LAMA2: variants seen among roughly 807,000 people sequenced by gnomAD.
LAMA2 encodes the protein laminin subunit alpha 2.
Under a neutral mutation model 364.8 loss-of-function variants are expected in LAMA2, and 269 were observed. The ratio of observed to expected loss-of-function variants is 0.74; its 90% CI spans 0.67 to 0.82. LAMA2 has a LOEUF of 0.82. Ranked by LOEUF, LAMA2 falls within the 40% of genes least tolerant of loss-of-function variation. The pLI, the probability that LAMA2 is intolerant of heterozygous loss-of-function variation, is 0.00. For missense variants in LAMA2, 3,807 were observed against 3,873.2 expected (o/e 0.98, Z 0.45); for synonymous variants, 1,379 against 1,370.6 (o/e 1.01, Z -0.14).
At chr6:129,236,071 G>A (rs185728557) in intron 12 of LAMA2, among the ~76,000 whole-genome samples, 7 of 152,260 alleles carry the variant, frequency 4.6e-5, no homozygotes, top group African/African-American at 1.4e-4. Context: ...TTAAGTCAGG[G>A]AATTTTAGAA....
At chr6:129,177,193 A>G (rs199941935) in intron 9 of LAMA2, among the ~76,000 whole-genome samples, 1 of 152,204 alleles carries the variant, frequency 6.6e-6, no homozygotes, top group East Asian at 1.9e-4. Flanking sequence ...ATCAATTCCA[A>G]TGAACACCTT....
At chr6:128,987,362 C>CA (rs1457399676) in intron 1 of LAMA2, among the ~76,000 whole-genome samples, 204 of 152,068 alleles carry the variant, frequency 1.3e-3, no homozygotes, top group African/African-American at 4.7e-3. Context: ...AGGCTGGTCT[C>CA]AAAGTCCTGA....
intron 22 of LAMA2, among the ~76,000 whole-genome samples, chr6:129,303,931 T>C: frequency 6.6e-6 from 1 of 152,180 alleles, no homozygotes; most frequent in Non-Finnish European, 1.5e-5. Flanking sequence ...GATTCAGAAG[T>C]ATTCCCTCCT....
At chr6:129,073,052 T>C (rs1773422002) in intron 3 of LAMA2, among the ~76,000 whole-genome samples, 1 of 152,140 alleles carries the variant, frequency 6.6e-6, no homozygotes, top group African/African-American at 2.4e-5. Context: ...CTGCTAGTGA[T>C]AAATCTCTCA....
chr6:129,445,580 T>C (rs1826311994), intron 44 of LAMA2, 87 bp from the exon 45 acceptor site: 9 of 1,102,806 alleles, frequency 8.2e-6, no homozygotes, highest in Non-Finnish European at 1.2e-5. Flanking sequence ...TAAGATGAAA[T>C]TGTTTGGTTA....
At chr6:129,195,203 G>C (rs746871144) in intron 12 of LAMA2, among the ~76,000 whole-genome samples, 2 of 152,078 alleles carry the variant, frequency 1.3e-5, no homozygotes, top group African/African-American at 2.4e-5. Context: ...TGGTTATAAG[G>C]CTTCTTCTAA....
chr6:129,049,847 T>A, intron 1 of LAMA2, 71 bp from the exon 2 acceptor site: 1 of 1,368,096 alleles, frequency 7.3e-7, no homozygotes, highest in Non-Finnish European at 1.0e-6. Flanking sequence ...TTATCTCAAT[T>A]GCTTTTAAAA....
chr6:129,229,460 A>T (rs1784537993), intron 12 of LAMA2, among the ~76,000 whole-genome samples: 1 of 152,106 alleles, frequency 6.6e-6, no homozygotes, highest in African/African-American at 2.4e-5. Flanking sequence ...GAAGGGGAAA[A>T]TATCGTAGGT....
At chr6:129,341,837 T>C (rs539395617) in intron 29 of LAMA2, among the ~76,000 whole-genome samples, 2 of 152,360 alleles carry the variant, frequency 1.3e-5, no homozygotes, top group East Asian at 1.9e-4. Context: ...TAGTTTTAGA[T>C]TGACTCCTCT....
chr6:129,036,762 A>T (rs930676668), intron 1 of LAMA2, among the ~76,000 whole-genome samples: 9 of 152,220 alleles, frequency 5.9e-5, no homozygotes, highest in Non-Finnish European at 2.9e-5. Context: ...TCCTATAAAC[A>T]GGAATAGAAT....
rs868541675 is a variant in LAMA2 at position 129,204,056 on chromosome 6, A to G, written c.1782+11203A>G. The stretch of plus-strand genomic sequence containing the variant: ...CACTTTGTCACCTGTCTGACATAGT[A>G]TCTGGTGGTAGTAAGGATAAGACAT... On this transcript the variant is annotated intron_variant, in intron 12 of 64. Coordinates refer to ENST00000421865, the MANE Select transcript of LAMA2 (RefSeq NM_000426.4). 1.2e-4 allele frequency among the ~76,000 whole-genome samples: 19 copies of G among 152,240 alleles called. 1 individual carries two copies. The highest frequency in any genetic ancestry group is 1.5e-4 in the Non-Finnish European group (10 of 68,040).
At chr6:129,335,171 T>C (rs1420850272) in intron 29 of LAMA2, among the ~76,000 whole-genome samples, 1 of 152,242 alleles carries the variant, frequency 6.6e-6, no homozygotes, top group Non-Finnish European at 1.5e-5. Context: ...AAGATAATTG[T>C]TGCTTCATCC....
chr6:129,081,848 T>C (rs1005011960), intron 3 of LAMA2, among the ~76,000 whole-genome samples: 149 of 152,270 alleles, frequency 9.8e-4, no homozygotes, highest in African/African-American at 3.5e-3. Context: ...TTTCTGAAGA[T>C]AGAAAATAAG....
chr6:129,323,949 A>T (rs564954920), intron 28 of LAMA2, among the ~76,000 whole-genome samples: 17 of 152,292 alleles, frequency 1.1e-4, no homozygotes, highest in African/African-American at 3.8e-4. Context: ...ATTAAAACTG[A>T]TTTTTTTAAA....
intron 10 of LAMA2, among the ~76,000 whole-genome samples, chr6:129,181,450 A>G (rs1486924773): frequency 4.6e-5 from 7 of 152,086 alleles, no homozygotes; most frequent in Admixed American, 3.3e-4. Flanking sequence ...AAGAATAAAC[A>G]AAGAAGGAAT....
chr6:129,490,598 A>G (rs1583871856), intron 56 of LAMA2: 1 of 152,198 alleles, frequency 6.6e-6, no homozygotes, highest in African/African-American at 2.4e-5. Context: ...TCATGTTGCT[A>G]AGAAGAGGCT....
chr6:129,328,487 G>A (rs1267313316), intron 29 of LAMA2, 75 bp downstream of exon 29: 1 of 1,610,898 alleles, frequency 6.2e-7, no homozygotes, highest in Non-Finnish European at 8.5e-7. Flanking sequence ...TCTGCATGCA[G>A]AGGCCAGCTA....
At chr6:129,292,837 G>A in intron 20 of LAMA2, 1 of 985,876 alleles carries the variant, frequency 1.0e-6, no homozygotes, top group Non-Finnish European at 1.2e-6. Context: ...AAGCGATTCT[G>A]TGTGCTATGT....
chr6:129,251,090 A>C (rs1289523190), intron 13 of LAMA2, among the ~76,000 whole-genome samples: 20 of 138,926 alleles, frequency 1.4e-4, no homozygotes, highest in African/African-American at 2.7e-4. Flanking sequence ...ATATATATAT[A>C]TATATATATA....
Sources: allele counts gnomAD v4.1 joint callset (sites outside exome capture counted in the v4.1 genomes callset), GRCh38; gene constraint gnomAD v4.1.1; transcripts MANE v1.5; gene names NCBI Gene and HGNC (gene_info 2026-07-23, HGNC 2026-07-21).